The following DENND1A variants were observed in gnomAD, a reference collection of about 807,000 sequenced individuals.
DENND1A encodes DENN domain containing 1A, also known as DENN domain-containing protein 1A.
DENND1A carries 51 observed loss-of-function variants against 113.7 expected under a neutral mutation model. The ratio of observed to expected loss-of-function variants is 0.45; its 90% CI spans 0.36 to 0.57. The LOEUF is 0.57. Ranked by LOEUF, DENND1A falls within the 20% of genes least tolerant of loss-of-function variation. The pLI is 0.00. For synonymous variants in DENND1A, 565 were observed against 570.8 expected, an observed-to-expected ratio of 0.99 and a Z score of 0.14; for missense variants, 1,258 against 1,395.9, an observed-to-expected ratio of 0.90 and a Z score of 1.57.
At chr9:123,538,966 A>G (rs2056068912) in intron 13 of DENND1A, among the ~76,000 whole-genome samples, 1 of 151,006 alleles carries the variant, frequency 6.6e-6, no homozygotes, top group Non-Finnish European at 1.5e-5. Context: ...AGAGTCAAAC[A>G]TTTATTTTGC....
intron 19 of DENND1A, among the ~76,000 whole-genome samples, chr9:123,430,267 G>A (rs1219949298): frequency 6.6e-6 from 1 of 152,220 alleles, no homozygotes; most frequent in Non-Finnish European, 1.5e-5. Flanking sequence ...AACCATTGTG[G>A]AAGACAGTGT....
At chr9:123,753,603 C>G (rs1459667315) in intron 5 of DENND1A, among the ~76,000 whole-genome samples, 4 of 152,230 alleles carry the variant, frequency 2.6e-5, no homozygotes, top group Admixed American at 6.5e-5. Context: ...TCCTCTCATT[C>G]AAAGTCTTTG....
intron 5 of DENND1A, among the ~76,000 whole-genome samples, chr9:123,717,452 C>T (rs2067050470): frequency 6.6e-6 from 1 of 152,218 alleles, no homozygotes; most frequent in African/African-American, 2.4e-5. Flanking sequence ...GGCAACTGTA[C>T]AAGATTACAC....
At chr9:123,425,898 A>G (rs2045686411) in intron 19 of DENND1A, among the ~76,000 whole-genome samples, 1 of 152,234 alleles carries the variant, frequency 6.6e-6, no homozygotes, top group South Asian at 2.1e-4. Context: ...CATTCCTGGC[A>G]GCAGAGATGG....
intron 2 of DENND1A, among the ~76,000 whole-genome samples, chr9:123,808,408 T>G (rs1461256518): frequency 1.3e-5 from 2 of 150,506 alleles, no homozygotes; most frequent in Admixed American, 1.3e-4. Flanking sequence ...TTTAAGACAG[T>G]CTCACTCTGT....
chr9:123,776,446 AT>A (rs1178387149), intron 3 of DENND1A, among the ~76,000 whole-genome samples: 1 of 152,192 alleles, frequency 6.6e-6, no homozygotes, highest in Non-Finnish European at 1.5e-5. Flanking sequence ...ATACAGGATA[AT>A]TTTTTAAATC....
chr9:123,857,063 G>A (rs538225679), intron 2 of DENND1A, among the ~76,000 whole-genome samples: 1 of 151,696 alleles, frequency 6.6e-6, no homozygotes, highest in Admixed American at 6.6e-5. Context: ...CCACCAAGAA[G>A]GCCTAGAAGC....
At chr9:123,844,064 A>G (rs757802042) in intron 2 of DENND1A, among the ~76,000 whole-genome samples, 1 of 150,544 alleles carries the variant, frequency 6.6e-6, no homozygotes, top group African/African-American at 2.5e-5. Context: ...ACAAAACAGA[A>G]CTTCATCAAG....
At chr9:123,598,141 C>G (rs2059779122) in intron 11 of DENND1A, among the ~76,000 whole-genome samples, 1 of 152,188 alleles carries the variant, frequency 6.6e-6, no homozygotes, top group Non-Finnish European at 1.5e-5. Flanking sequence ...TCCCTCTCTT[C>G]TGACACTGCC....
In DENND1A at chr9:123,614,694, T is replaced by G. The variant is rs532038070; in HGVS notation, c.720-5213A>C. On this transcript the variant is annotated intron_variant, in intron 10 of 23. Transcript: ENST00000394215. The stretch of plus-strand genomic sequence containing the variant: ...CAGGTGGGCAACACCTCTGCTATCA[T>G]GAAGGAACACAGCTTAGGGCAGCCC... Among the ~76,000 whole-genome samples, 51 of 152,136 alleles carry G rather than the reference T, an allele frequency of 3.4e-4. No homozygotes were observed. In the South Asian group the frequency reaches 5.8e-3, roughly 17 times the overall value.
intron 12 of DENND1A, among the ~76,000 whole-genome samples, chr9:123,576,729 A>G (rs564794779): frequency 6.6e-6 from 1 of 152,328 alleles, no homozygotes; most frequent in Admixed American, 6.5e-5. Flanking sequence ...ACCTCAGGTG[A>G]TCCACCTGCC....
intron 6 of DENND1A, among the ~76,000 whole-genome samples, chr9:123,674,675 G>T (rs1040758886): frequency 1.3e-5 from 2 of 152,122 alleles, no homozygotes; most frequent in Non-Finnish European, 2.9e-5. Flanking sequence ...CATCCCAAGA[G>T]GCAGAGTCCT....
chr9:123,620,723 A>G (rs1431155464), intron 10 of DENND1A, among the ~76,000 whole-genome samples: 1 of 152,150 alleles, frequency 6.6e-6, no homozygotes, highest in East Asian at 1.9e-4. Context: ...CAGTCCCACC[A>G]CAGCCCAGCT....
At chr9:123,785,884 T>C (rs943533089) in intron 3 of DENND1A, among the ~76,000 whole-genome samples, 9 of 151,762 alleles carry the variant, frequency 5.9e-5, no homozygotes, top group African/African-American at 2.2e-4. Flanking sequence ...GGGCAAGAGG[T>C]TGAAAAACCC....
chr9:123,801,529 G>C (rs752852756), intron 2 of DENND1A, among the ~76,000 whole-genome samples: 1 of 152,274 alleles, frequency 6.6e-6, no homozygotes, highest in Admixed American at 6.5e-5. Context: ...TTCCATCAAT[G>C]GACATATGGG....
At chr9:123,566,928 C>CACACACAA (rs1265846080) in intron 12 of DENND1A, among the ~76,000 whole-genome samples, 1 of 151,810 alleles carries the variant, frequency 6.6e-6, no homozygotes, top group African/African-American at 2.4e-5. Context: ...CACACACACA[C>CACACACAA]ACACACACAC....
intron 2 of DENND1A, among the ~76,000 whole-genome samples, chr9:123,800,154 T>C (rs2132206554): frequency 6.6e-6 from 1 of 152,370 alleles, no homozygotes; most frequent in East Asian, 1.9e-4. Flanking sequence ...TCCTGGCATC[T>C]GTTTTGCTAA....
intron 5 of DENND1A, among the ~76,000 whole-genome samples, chr9:123,716,056 T>C (rs927885138): frequency 1.3e-5 from 2 of 152,192 alleles, no homozygotes; most frequent in Non-Finnish European, 2.9e-5. Flanking sequence ...GGGAGCAGCC[T>C]CTTTTAGGAT....
chr9:123,432,222 TTCC>T (rs1564476225), intron 19 of DENND1A, among the ~76,000 whole-genome samples: 3 of 152,216 alleles, frequency 2.0e-5, no homozygotes, highest in Non-Finnish European at 4.4e-5. Context: ...TGGCAAGTTT[TTCC>T]TCCCGAAATC....
Sources: allele counts gnomAD v4.1 joint callset (sites outside exome capture counted in the v4.1 genomes callset), GRCh38; gene constraint gnomAD v4.1.1; transcripts MANE v1.5; gene names NCBI Gene and HGNC (gene_info 2026-07-23, HGNC 2026-07-21).